The following LGSN variants were observed in gnomAD, a reference collection of about 807,000 sequenced individuals.
LGSN encodes the protein lengsin, lens protein with glutamine synthetase domain.
LGSN carries 21 observed loss-of-function variants against 19.5 expected under a neutral mutation model. The observed-to-expected ratio is 1.07, with a 90% CI of 0.76 to 1.55. The LOEUF (loss-of-function observed/expected upper bound fraction) is 1.55. Among genes scored for constraint, LGSN ranks in the 40% most tolerant of loss-of-function variants. The probability of loss-of-function intolerance (pLI) is 0.00; values close to 1 mark genes in which losing one functional copy is unlikely to be tolerated. For synonymous variants in LGSN, 257 were observed against 215.6 expected, an observed-to-expected ratio of 1.19 and a Z score of -1.68; for missense variants, 673 against 608.5, an observed-to-expected ratio of 1.11 and a Z score of -1.12.
the LGSN span, among the ~76,000 whole-genome samples, chr6:63,360,077 T>C: frequency 6.6e-6 from 1 of 152,166 alleles, no homozygotes; most frequent in East Asian, 1.9e-4. Flanking sequence ...CCGACCTTTC[T>C]CTCTGGGTGC....
Position 63,304,613 on chromosome 6 carries a change from A to G in LGSN, c.31-9568T>C, listed in dbSNP as rs1054854567. Among the ~76,000 whole-genome samples the G allele has an allele frequency of 2.0e-5, 3 of 152,196 alleles. No individual in the cohort carries two copies. In the East Asian group the frequency reaches 5.8e-4, roughly 29 times the overall value. On this transcript the variant is annotated intron_variant, in intron 1 of 3. Coordinates refer to ENST00000370657, the MANE Select transcript of LGSN (RefSeq NM_016571.3). ...TTTCATCTGGCTTATTCTTTGATCT[A>G]TTTAACTTTAGTTGATTAATAGGAA...
At chr6:63,540,801 A>G in the LGSN span, among the ~76,000 whole-genome samples, 1 of 151,724 alleles carries the variant, frequency 6.6e-6, no homozygotes, top group African/African-American at 2.4e-5. Flanking sequence ...CCCCGTCTCT[A>G]CTAGGACCAA....
the LGSN span, among the ~76,000 whole-genome samples, chr6:63,500,401 G>T: frequency 6.6e-6 from 1 of 152,142 alleles, no homozygotes; most frequent in Non-Finnish European, 1.5e-5. Context: ...AGTGACCTCT[G>T]ACAGGTTTAT....
chr6:63,336,885 C>T, the LGSN span, among the ~76,000 whole-genome samples: 1 of 151,470 alleles, frequency 6.6e-6, no homozygotes, highest in African/African-American at 2.4e-5. Context: ...CAGGCGTGAA[C>T]CACCATGCCC....
chr6:63,560,642 G>A, the LGSN span, among the ~76,000 whole-genome samples: 2 of 152,038 alleles, frequency 1.3e-5, no homozygotes, highest in Non-Finnish European at 2.9e-5. Context: ...GACCTCAGGT[G>A]ATCTGCCCAC....
chr6:63,306,824 G>C (rs936226282), intron 1 of LGSN, among the ~76,000 whole-genome samples: 6 of 152,174 alleles, frequency 3.9e-5, no homozygotes, highest in African/African-American at 1.4e-4. Context: ...TGGCCCTCGT[G>C]TTGCCAGTTT....
At chr6:63,410,438 A>T in the LGSN span, among the ~76,000 whole-genome samples, 1 of 152,218 alleles carries the variant, frequency 6.6e-6, no homozygotes, top group African/African-American at 2.4e-5. Context: ...GATACCTGAG[A>T]TCATTAGTTT....
the LGSN span, chr6:63,480,022 A>G: frequency 6.6e-6 from 1 of 152,362 alleles, no homozygotes; most frequent in South Asian, 2.1e-4. Context: ...CATTACTCCC[A>G]CTCACTCTTT....
At chr6:63,334,367 T>C in the LGSN span, among the ~76,000 whole-genome samples, 1 of 151,996 alleles carries the variant, frequency 6.6e-6, no homozygotes, top group Non-Finnish European at 1.5e-5. Flanking sequence ...TCATTTACAA[T>C]AGCTACAAAA....
At chr6:63,353,365 A>G in the LGSN span, among the ~76,000 whole-genome samples, 1 of 152,180 alleles carries the variant, frequency 6.6e-6, no homozygotes, top group Non-Finnish European at 1.5e-5. Flanking sequence ...TCTCCTGTGC[A>G]GAAAATGTTC....
At chr6:63,364,002 A>G in the LGSN span, among the ~76,000 whole-genome samples, 1 of 152,224 alleles carries the variant, frequency 6.6e-6, no homozygotes, top group Non-Finnish European at 1.5e-5. Context: ...CATCGATGCT[A>G]GGAAGAAACT....
the LGSN span, among the ~76,000 whole-genome samples, chr6:63,445,655 C>A: frequency 6.6e-6 from 1 of 151,972 alleles, no homozygotes; most frequent in African/African-American, 2.4e-5. Context: ...GAATCTCATG[C>A]CTTGTATAAG....
intron 2 of LGSN, among the ~76,000 whole-genome samples, chr6:63,289,832 T>C (rs933769832): frequency 2.0e-5 from 3 of 152,186 alleles, no homozygotes; most frequent in Admixed American, 1.3e-4. Context: ...AACTCTGGAA[T>C]ACATTCAGCT....
chr6:63,560,338 CAA>C, the LGSN span, among the ~76,000 whole-genome samples: 76 of 50,592 alleles, frequency 1.5e-3, no homozygotes, highest in African/African-American at 4.7e-3. Context: ...GACTCCGTCT[CAA>C]AAAAAAAAAA....
the LGSN span, chr6:63,573,153 C>G: frequency 6.4e-6 from 1 of 156,320 alleles, no homozygotes; most frequent in Non-Finnish European, 1.4e-5. Flanking sequence ...CGCGGCGTCC[C>G]GGGGCCTCTT....
chr6:63,570,125 G>A, the LGSN span, among the ~76,000 whole-genome samples: 43 of 152,226 alleles, frequency 2.8e-4, no homozygotes, highest in African/African-American at 9.9e-4. Flanking sequence ...GATCTCTTGA[G>A]GTCAGGAGTT....
At chr6:63,353,588 C>CAAAAAAAAA in the LGSN span, among the ~76,000 whole-genome samples, 8 of 74,158 alleles carry the variant, frequency 1.1e-4, no homozygotes, top group East Asian at 8.0e-4. Flanking sequence ...CAGTTTGTAG[C>CAAAAAAAAA]AAAAAAAAAA....
the LGSN span, among the ~76,000 whole-genome samples, chr6:63,353,866 A>G: frequency 3.0e-4 from 45 of 152,226 alleles, no homozygotes; most frequent in African/African-American, 1.1e-3. Context: ...GATTTTTTTT[A>G]TAAAGTTGCC....
At chr6:63,299,824 AAT>A (rs1768116479) in intron 1 of LGSN, among the ~76,000 whole-genome samples, 1 of 152,178 alleles carries the variant, frequency 6.6e-6, no homozygotes, top group Non-Finnish European at 1.5e-5. Context: ...TACTAAATAT[AAT>A]TCAGACTTTT....
Sources: allele counts gnomAD v4.1 joint callset (sites outside exome capture counted in the v4.1 genomes callset), GRCh38; gene constraint gnomAD v4.1.1; transcripts MANE v1.5; gene names NCBI Gene and HGNC (gene_info 2026-07-23, HGNC 2026-07-21).